Variants in LIMCH1 observed in about 807,000 individuals in gnomAD.
LIMCH1 encodes LIM and calponin homology domains 1.
Under a neutral mutation model 176.5 loss-of-function variants are expected in LIMCH1, and 113 were observed. That is an observed-to-expected ratio of 0.64 (90% confidence interval 0.55 to 0.75). The LOEUF (loss-of-function observed/expected upper bound fraction) is 0.75, where lower values mean the gene tolerates loss of function less well. Ranked by LOEUF, LIMCH1 falls within the 30% of genes least tolerant of loss-of-function variation. The pLI is 0.00. For missense variants in LIMCH1, 1,674 were observed against 1,814.9 expected, an observed-to-expected ratio of 0.92 and a Z score of 1.41; for synonymous variants, 619 against 645.9, an observed-to-expected ratio of 0.96 and a Z score of 0.63.
intron 13 of LIMCH1, 148 bp downstream of exon 13, chr4:41,633,956 A>G (rs2093455788): frequency 1.2e-6 from 1 of 857,800 alleles, no homozygotes; most frequent in Non-Finnish European, 1.7e-6. Context: ...CTGCGAAGAA[A>G]TTTTTCCTCT....
Position 41,360,879 on chromosome 4 carries a change from C to T in LIMCH1, c.39C>T (p.Pro13=). ...CTCTCGGTCTGGAAGCTCTTCAGCCCCTGCAGCCCGAGCCGCCCCCCGAGC... is the reference window on the plus strand; with the variant it reads ...CTCTCGGTCTGGAAGCTCTTCAGCCTCTGCAGCCCGAGCCGCCCCCCGAGC... Residue 13 remains proline, a synonymous_variant, in exon 1 of 27, where the codon CCC becomes CCT. Coordinates refer to the LIMCH1 transcript ENST00000313860. This position sits in a 1 kb window ranked among gnomAD's most constrained non-coding sequence, Gnocchi z 4.5. The T allele has an allele frequency of 6.3e-7, 1 of 1,586,120 alleles. No individual in the cohort carries two copies. Among genetic ancestry groups the T allele is most frequent in the Non-Finnish European group, 8.6e-7 (1 of 1,169,526 alleles).
chr4:41,639,813 T>G (rs2093745185), intron 14 of LIMCH1, among the ~76,000 whole-genome samples: 1 of 152,320 alleles, frequency 6.6e-6, no homozygotes, highest in South Asian at 2.1e-4. Context: ...AGTCTGCTGA[T>G]CCTGATATTG....
rs1585027943 is a variant in LIMCH1 at position 41,626,786 on chromosome 4, A to G, written c.804A>G (p.Gln268=). 1 of 1,536,402 alleles carries G rather than the reference A, an allele frequency of 6.5e-7. No homozygotes were observed. ...AAGAAAACTCTTTCCTGACCCACCA[A>G]CATGGCAACGATTCAGAGGCAGAAG... ...LRKENSFLTH[Q]HGNDSEAEGE... is the part of the protein sequence containing the mutation. The change falls in exon 8 of 32, where the codon CAA becomes CAG. Residue 268 remains glutamine, a synonymous_variant. Transcript: ENST00000503057.
intron 1 of LIMCH1, among the ~76,000 whole-genome samples, chr4:41,593,860 A>G (rs975313322): frequency 6.6e-6 from 1 of 152,174 alleles, no homozygotes; most frequent in Non-Finnish European, 1.5e-5. Flanking sequence ...CTTGATCTAG[A>G]TTCACTGCTT....
chr4:41,524,359 G>T lies in LIMCH1; in HGVS notation c.168-50G>T, dbSNP rs781095799. The T allele has an allele frequency of 4.3e-6, 6 of 1,379,876 alleles. No homozygotes were observed. In the Admixed American group the frequency reaches 6.7e-5, roughly 15 times the overall value. 85.5% of individuals were successfully genotyped at this position (1,379,876 alleles called of 1,614,324 possible). A position where few individuals can be genotyped will look rare whatever the true frequency, so the allele number is the denominator to read the frequency against. ...AGCCCCGGATAAAGGTGATTTGTGT[G>T]ATCCATCTTGCTTTATGTCTCACTT... On this transcript the variant is annotated intron_variant, in intron 2 of 26. Coordinates refer to the LIMCH1 transcript ENST00000313860.
Position 41,582,512 on chromosome 4 carries a change from G to A in LIMCH1, c.-240-16408G>A, listed in dbSNP as rs535185183. The stretch of plus-strand genomic sequence containing the variant: ...CTAAATTTATAGACCTGGAGGCAAC[G>A]CAGTGTAGTGGTAAGGGGTAGGGGT... On this transcript the variant is annotated intron_variant, in intron 1 of 31. Transcript: ENST00000503057. Among the ~76,000 whole-genome samples the A allele has an allele frequency of 4.7e-4, 71 of 152,286 alleles. 1 individual carries two copies. In the South Asian group the frequency reaches 0.013, roughly 29 times the overall value.
At chr4:41,435,264 A>G (rs1052255863) in intron 1 of LIMCH1, among the ~76,000 whole-genome samples, 1 of 152,162 alleles carries the variant, frequency 6.6e-6, no homozygotes, top group African/African-American at 2.4e-5. Flanking sequence ...AGAGATGATG[A>G]TGGAACCAGG....
At chr4:41,416,295 A>G (rs1206619071) in intron 1 of LIMCH1, among the ~76,000 whole-genome samples, 1 of 152,208 alleles carries the variant, frequency 6.6e-6, no homozygotes, top group Non-Finnish European at 1.5e-5. Flanking sequence ...TGGTCACGAT[A>G]ATAACAATAA....
chr4:41,604,085 G>A, intron 3 of LIMCH1, 180 bp downstream of exon 3: 1 of 523,814 alleles, frequency 1.9e-6, no homozygotes, highest in Non-Finnish European at 2.4e-6. Flanking sequence ...GTGTTGGGCT[G>A]GGGTGGTGGT....
intron 1 of LIMCH1, among the ~76,000 whole-genome samples, chr4:41,394,205 C>T (rs2057559145): frequency 1.3e-5 from 2 of 152,232 alleles, no homozygotes; most frequent in African/African-American, 4.8e-5. Context: ...TCCTACCATA[C>T]CTTTCAGGGA....
chr4:41,477,755 G>C (rs185053969), intron 1 of LIMCH1, among the ~76,000 whole-genome samples: 2 of 152,082 alleles, frequency 1.3e-5, no homozygotes, highest in Non-Finnish European at 2.9e-5. Context: ...GGGGCACTGC[G>C]GTCAGTCCCA....
intron 1 of LIMCH1, among the ~76,000 whole-genome samples, chr4:41,488,827 A>G (rs1387527706): frequency 1.3e-5 from 2 of 152,164 alleles, no homozygotes. Context: ...TATCAGGGTA[A>G]TACTAACCTA....
chr4:41,402,232 T>C (rs2058520805), intron 1 of LIMCH1, among the ~76,000 whole-genome samples: 2 of 151,942 alleles, frequency 1.3e-5, no homozygotes, highest in African/African-American at 4.8e-5. Flanking sequence ...AAAATGCTCA[T>C]CATCACTGGC....
intron 1 of LIMCH1, among the ~76,000 whole-genome samples, chr4:41,590,307 T>A (rs1413784373): frequency 2.0e-5 from 3 of 152,068 alleles, no homozygotes; most frequent in Admixed American, 1.3e-4. Flanking sequence ...CCCAGGCTGG[T>A]CTCGAACTTC....
intron 19 of LIMCH1, among the ~76,000 whole-genome samples, chr4:41,662,420 A>G (rs1444049674): frequency 3.3e-5 from 5 of 152,188 alleles, no homozygotes; most frequent in Non-Finnish European, 5.9e-5. Flanking sequence ...ATTGAAATAC[A>G]AAAAAAGGAA....
At chr4:41,573,606 T>C (rs528948305) in intron 1 of LIMCH1, among the ~76,000 whole-genome samples, 59 of 152,358 alleles carry the variant, frequency 3.9e-4, no homozygotes, top group Non-Finnish European at 7.5e-4. Flanking sequence ...GTGCAATAAA[T>C]TGCTTAACTG....
intron 1 of LIMCH1, among the ~76,000 whole-genome samples, chr4:41,552,223 G>C (rs1180814758): frequency 6.6e-6 from 1 of 152,144 alleles, no homozygotes; most frequent in Non-Finnish European, 1.5e-5. Flanking sequence ...GATTGTGGGA[G>C]CTACAATTGA....
chr4:41,419,968 C>G (rs1297143841), intron 1 of LIMCH1, among the ~76,000 whole-genome samples: 1 of 151,956 alleles, frequency 6.6e-6, no homozygotes, highest in Non-Finnish European at 1.5e-5. Flanking sequence ...ATAATACATA[C>G]TAAATAAGAA....
intron 1 of LIMCH1, among the ~76,000 whole-genome samples, chr4:41,596,440 C>T (rs2088830972): frequency 6.6e-6 from 1 of 151,894 alleles, no homozygotes; most frequent in Non-Finnish European, 1.5e-5. Flanking sequence ...CTGATATGTC[C>T]GTGTGATAAC....
Sources: allele counts gnomAD v4.1 joint callset (sites outside exome capture counted in the v4.1 genomes callset), GRCh38; gene constraint gnomAD v4.1.1; non-coding constraint Gnocchi (gnomAD v3.1); transcripts MANE v1.5; gene names NCBI Gene and HGNC (gene_info 2026-07-23, HGNC 2026-07-21).